Variants in CYLD observed in about 807,000 individuals in gnomAD.
CYLD encodes CYLD lysine 63 deubiquitinase.
A neutral mutation model predicts 104.5 loss-of-function variants in CYLD; 26 were observed. The ratio of observed to expected loss-of-function variants is 0.25; its 90% confidence interval spans 0.18 to 0.35. The LOEUF (loss-of-function observed/expected upper bound fraction) is 0.35, where lower values mean the gene tolerates loss of function less well. CYLD is among the 10% of genes least tolerant of loss of function. The pLI is 1.00. For synonymous variants in CYLD, 385 were observed against 399.9 expected, an observed-to-expected ratio of 0.96 and a Z score of 0.45; for missense variants, 703 against 1,136.1, an observed-to-expected ratio of 0.62 and a Z score of 5.48.
chr16:50,771,736 A>G (rs939116218), intron 5 of CYLD, among the ~76,000 whole-genome samples: 1 of 152,230 alleles, frequency 6.6e-6, no homozygotes, highest in African/African-American at 2.4e-5. Flanking sequence ...ATTTGGTATA[A>G]GTTGTGAGAC....
chr16:50,778,208 T>G (rs1412696090), intron 8 of CYLD: 2 of 325,530 alleles, frequency 6.1e-6, no homozygotes, highest in Non-Finnish European at 1.1e-5. Context: ...GGTTCCTTCC[T>G]GACCTCTTTA....
rs1184416328 is a variant in CYLD at position 50,794,663 on chromosome 16, C to T, written c.2686+235C>T. 1.9e-6 allele frequency: 1 copy of T among 523,712 alleles called. No individual in the cohort carries two copies. Among genetic ancestry groups the T allele is most frequent in the Non-Finnish European group, 3.4e-6 (1 of 289,992 alleles). The allele number at this position is 523,712 out of a possible 1,614,324, so 32.4% of individuals were successfully genotyped here. A position where few individuals can be genotyped will look rare whatever the true frequency, so the allele number is the denominator to read the frequency against. The stretch of plus-strand genomic sequence containing the variant: ...TGAGATGGAGTCTCACTCTGTCACC[C>T]AGGCTGGAGTGCAGCAGCGTGATCT... On this transcript the variant is annotated intron_variant, in intron 18 of 18. Coordinates refer to ENST00000427738, the MANE Select transcript of CYLD (RefSeq NM_001378743.1). This position sits in a 1 kb window ranked among gnomAD's most constrained non-coding sequence, Gnocchi z 4.1.
At chr16:50,782,266 A>G (rs1970293262) in intron 10 of CYLD, 59 bp from the exon 11 acceptor site, 4 of 1,258,308 alleles carry the variant, frequency 3.2e-6, no homozygotes, top group Non-Finnish European at 3.3e-6. Context: ...ATGGGAATAC[A>G]TATTGTAATA....
chr16:50,782,782 A>C lies in CYLD; in HGVS notation c.1826+316A>C, dbSNP rs556793569. 2.0e-4 allele frequency among the ~76,000 whole-genome samples: 30 copies of C among 152,326 alleles called. 1 individual carries two copies. The highest frequency in any genetic ancestry group is 1.0e-3 in the South Asian group (5 of 4,830). On this transcript the variant is annotated intron_variant, in intron 11 of 18. Transcript: ENST00000427738. ...AAACAACATAACTTGCAGTAAAGCC[A>C]TTGGCTGTTATGTGCTGTATTTCTT...
intron 1 of CYLD, 134 bp from the exon 2 acceptor site, chr16:50,742,628 C>G (rs1369230480): frequency 2.6e-6 from 1 of 380,344 alleles, no homozygotes; most frequent in African/African-American, 2.1e-5. Flanking sequence ...CTCAGGAGCC[C>G]GGGGCTGTGA....
intron 5 of CYLD, among the ~76,000 whole-genome samples, chr16:50,759,407 A>G (rs964519328): frequency 1.3e-5 from 2 of 152,148 alleles, no homozygotes; most frequent in African/African-American, 2.4e-5. Context: ...TATAATTGCA[A>G]TCTCTCCCTA....
In CYLD at chr16:50,799,619, AT is replaced by A. The variant is rs149875014; in HGVS notation, c.*3119del. ...TTCCTATCCCTAGGATTCCTTTATT[AT>A]TTTTTTTCACAGATTTTGAGAACAA... On this transcript the variant is annotated 3_prime_UTR_variant, in exon 19 of 19. Transcript: ENST00000427738. 6.2e-3 allele frequency: 1,444 copies of A among 233,240 alleles called. 4 individuals are homozygous for A. The highest frequency in any genetic ancestry group is 9.9e-3 in the Non-Finnish European group (1,170 of 117,820). 14.4% of individuals were successfully genotyped at this position (233,240 alleles called of 1,614,324 possible). A position where few individuals can be genotyped will look rare whatever the true frequency, so the allele number is the denominator to read the frequency against.
intron 5 of CYLD, among the ~76,000 whole-genome samples, chr16:50,771,654 C>G (rs1597031391): frequency 6.6e-6 from 1 of 152,106 alleles, no homozygotes; most frequent in East Asian, 1.9e-4. Context: ...TCTTTGCATC[C>G]TTGTTCTCTG....
intron 2 of CYLD, chr16:50,744,714 A>G (rs1966030665): frequency 1.3e-5 from 2 of 152,448 alleles, no homozygotes; most frequent in Non-Finnish European, 2.9e-5. Context: ...CATTTGTACT[A>G]TATGTTGCCT....
rs575300822 is a variant in CYLD, at chr16:50,776,123, G to C, written c.923-56G>C. On this transcript the variant is annotated intron_variant, in intron 6 of 18. Coordinates refer to ENST00000427738, the MANE Select transcript of CYLD (RefSeq NM_001378743.1). ...TTTTATTTTGTTACTGTCATTCCTT[G>C]TTTCTCTTCTATAAGAATTTGCCTT... The C allele has an allele frequency of 1.7e-5, 21 of 1,252,614 alleles. No individual in the cohort carries two copies. The East Asian group carries it at 4.9e-4, about 29-fold the overall frequency. 77.6% of individuals were successfully genotyped at this position (1,252,614 alleles called of 1,614,324 possible).
At chr16:50,772,144 G>C (rs967572354) in intron 5 of CYLD, among the ~76,000 whole-genome samples, 4 of 152,176 alleles carry the variant, frequency 2.6e-5, no homozygotes, top group Non-Finnish European at 5.9e-5. Flanking sequence ...ACTTTGGGGA[G>C]AATTGATATC....
Position 50,745,470 on chromosome 16 carries a change from C to T in CYLD, c.-124+2629C>T, listed in dbSNP as rs546449468. ...TCAGCCTGGACCTCCTGGGCTCTAG[C>T]GATCTTCCCATCCTCCAGAGTAGCT... On this transcript the variant is annotated intron_variant, in intron 2 of 18. Coordinates refer to ENST00000427738, the MANE Select transcript of CYLD (RefSeq NM_001378743.1). 4.1e-5 allele frequency among the ~76,000 whole-genome samples: 6 copies of T among 148,120 alleles called. No homozygotes were observed. The South Asian group carries it at 6.4e-4, about 16-fold the overall frequency.
chr16:50,796,452 C>T lies in CYLD; in HGVS notation c.2815C>T (p.Leu939Phe), dbSNP rs781112484. Residue 939 changes from leucine to phenylalanine, a missense_variant, in exon 19 of 19, where the codon CTT becomes TTT. Physicochemically the swap from Leu to Phe is conservative, Grantham distance 22. Coordinates refer to ENST00000427738, the MANE Select transcript of CYLD (RefSeq NM_001378743.1). Reference protein sequence around the residue: ...RRIQGCARRLLCDAYMCMYQS... With the variant: ...RRIQGCARRLFCDAYMCMYQS... ...AATCCAAGGCTGTGCACGAAGACTGCTTTGTGATGCATATATGTGCATGTA... is the reference window on the plus strand; with the variant it reads ...AATCCAAGGCTGTGCACGAAGACTGTTTTGTGATGCATATATGTGCATGTA... The T allele has an allele frequency of 6.2e-7, 1 of 1,614,012 alleles. No individual in the cohort carries two copies. Among genetic ancestry groups the T allele is most frequent in the Non-Finnish European group, 8.5e-7 (1 of 1,180,024 alleles).
Position 50,786,966 on chromosome 16 carries a change from T to A in CYLD, c.2041+20T>A. 6.3e-7 allele frequency: 1 copy of A among 1,580,260 alleles called. No individual in the cohort carries two copies. The highest frequency in any genetic ancestry group is 8.7e-7 in the Non-Finnish European group (1 of 1,149,142). On this transcript the variant is annotated intron_variant, in intron 13 of 18. Coordinates refer to ENST00000427738, the MANE Select transcript of CYLD (RefSeq NM_001378743.1). ...AAAAAGGTGACCATCTTAACTTATA[T>A]GCGTTAAAAATAACTGAAGAGCATA...
rs371382898 is a variant in CYLD, at chr16:50,779,735, G to A, written c.1209G>A (p.Gln403=). The change falls in exon 9 of 19, where the codon CAG becomes CAA. Residue 403 remains glutamine (Q), a synonymous_variant. Coordinates refer to ENST00000427738, the MANE Select transcript of CYLD (RefSeq NM_001378743.1). ...TTGACCGTTCTTCACCACCACTCCA[G>A]CCTCCTCCTGTGAACTCACTGACCA... ...TDFDRSSPPL[Q]PPPVNSLTTE... 51 of 1,613,450 alleles carry A rather than the reference G, an allele frequency of 3.2e-5. No homozygotes were observed. Among genetic ancestry groups the A allele is most frequent in the Non-Finnish European group, 4.1e-5 (48 of 1,179,890 alleles).
At chr16:50,754,166 G>A (rs1368615547) in intron 4 of CYLD, among the ~76,000 whole-genome samples, 153 bp from the exon 5 acceptor site, 1 of 152,054 alleles carries the variant, frequency 6.6e-6, no homozygotes, top group Non-Finnish European at 1.5e-5. Context: ...TATTACTATG[G>A]CAACTATTCC....
chr16:50,769,640 C>T (rs1968921661), intron 5 of CYLD, among the ~76,000 whole-genome samples: 1 of 152,108 alleles, frequency 6.6e-6, no homozygotes, highest in East Asian at 1.9e-4. Flanking sequence ...CCCTGTGTGC[C>T]CTTTAGCCAA....
At chr16:50,765,258 C>T (rs1017222116) in intron 5 of CYLD, among the ~76,000 whole-genome samples, 2 of 152,136 alleles carry the variant, frequency 1.3e-5, no homozygotes, top group Admixed American at 1.3e-4. Context: ...GTAATTCCTG[C>T]AATATTTCAA....
chr16:50,759,508 G>A (rs1472638882), intron 5 of CYLD, among the ~76,000 whole-genome samples: 1 of 151,942 alleles, frequency 6.6e-6, no homozygotes, highest in Non-Finnish European at 1.5e-5. Context: ...ATACTGTTTA[G>A]CCTGCTTTTG....
Sources: allele counts gnomAD v4.1 joint callset (sites outside exome capture counted in the v4.1 genomes callset), GRCh38; gene constraint gnomAD v4.1.1; non-coding constraint Gnocchi (gnomAD v3.1); transcripts MANE v1.5; gene names NCBI Gene and HGNC (gene_info 2026-07-23, HGNC 2026-07-21).